The following CALD1 variants were observed in gnomAD, a reference collection of about 807,000 sequenced individuals.
The protein encoded by CALD1 is caldesmon 1.
A neutral mutation model predicts 99.9 loss-of-function variants in CALD1; 33 were observed. The observed-to-expected ratio is 0.33, with a 90% CI of 0.25 to 0.44. The LOEUF (loss-of-function observed/expected upper bound fraction) is 0.44, where lower values mean the gene tolerates loss of function less well. Ranked by LOEUF, CALD1 falls within the 20% of genes least tolerant of loss-of-function variation. CALD1 has a pLI of 1.00. For synonymous variants in CALD1, 310 were observed against 325.0 expected, an observed-to-expected ratio of 0.95 and a Z score of 0.50; for missense variants, 861 against 962.1, an observed-to-expected ratio of 0.89 and a Z score of 1.39.
intron 1 of CALD1, among the ~76,000 whole-genome samples, chr7:134,750,214 A>AC (rs1410850147): frequency 6.6e-6 from 1 of 152,080 alleles, no homozygotes; most frequent in Non-Finnish European, 1.5e-5. Context: ...CTGTTCACCA[A>AC]CAGGAGCAAG....
chr7:134,751,244 A>G (rs1796683296), intron 1 of CALD1, among the ~76,000 whole-genome samples: 1 of 152,240 alleles, frequency 6.6e-6, no homozygotes, highest in Admixed American at 6.5e-5. Context: ...TGTTCCCAAG[A>G]TGAAAAGAGA....
chr7:134,917,969 G>T (rs1336909323), intron 3 of CALD1, among the ~76,000 whole-genome samples: 2 of 152,064 alleles, frequency 1.3e-5, no homozygotes, highest in Non-Finnish European at 2.9e-5. Flanking sequence ...CATATTCTTT[G>T]TAAACATTTA....
chr7:134,870,268 T>A (rs1801005865), intron 3 of CALD1, among the ~76,000 whole-genome samples: 1 of 152,130 alleles, frequency 6.6e-6, no homozygotes, highest in South Asian at 2.1e-4. Context: ...GGCTCAGGAC[T>A]GAGGATGTAG....
At chr7:134,865,168 G>T (rs965671343) in intron 2 of CALD1, among the ~76,000 whole-genome samples, 39 of 151,172 alleles carry the variant, frequency 2.6e-4, no homozygotes, top group Non-Finnish European at 4.1e-4. Flanking sequence ...GGACGTAGAA[G>T]AGAAAAAGAA....
intron 3 of CALD1, among the ~76,000 whole-genome samples, chr7:134,868,564 A>G (rs1022608999): frequency 9.9e-5 from 15 of 152,226 alleles, no homozygotes; most frequent in African/African-American, 3.6e-4. Context: ...TTAAAATCAA[A>G]TCGATTTTTT....
chr7:134,878,036 C>A (rs1242309549), intron 3 of CALD1, among the ~76,000 whole-genome samples: 4 of 152,144 alleles, frequency 2.6e-5, no homozygotes, highest in Non-Finnish European at 5.9e-5. Flanking sequence ...TAGAACATTT[C>A]CAATGCCCCA....
intron 3 of CALD1, among the ~76,000 whole-genome samples, chr7:134,894,393 GTGCTGA>G (rs1563074814): frequency 6.6e-6 from 1 of 152,226 alleles, no homozygotes; most frequent in Non-Finnish European, 1.5e-5. Context: ...ATCCAGAACA[GTGCTGA>G]TGCTCCAGAA....
intron 3 of CALD1, among the ~76,000 whole-genome samples, chr7:134,887,053 C>A (rs754479740): frequency 3.3e-5 from 5 of 152,180 alleles, no homozygotes; most frequent in Non-Finnish European, 7.3e-5. Context: ...ACAACCCAAG[C>A]CCCTATTACA....
At chr7:134,858,749 T>C (rs936158128) in intron 2 of CALD1, among the ~76,000 whole-genome samples, 1 of 151,978 alleles carries the variant, frequency 6.6e-6, no homozygotes, top group African/African-American at 2.4e-5. Flanking sequence ...TTTGTAATTT[T>C]AGTAGAGACA....
At chr7:134,906,540 C>A (rs1803400753) in intron 3 of CALD1, among the ~76,000 whole-genome samples, 1 of 152,248 alleles carries the variant, frequency 6.6e-6, no homozygotes, top group Non-Finnish European at 1.5e-5. Flanking sequence ...AAGTAAGCTT[C>A]ACCATCCTGT....
In CALD1 at chr7:134,919,494, T is replaced by C. The variant is rs895237088; in HGVS notation, c.72-9260T>C. On this transcript the variant is annotated intron_variant, in intron 3 of 14. Coordinates refer to ENST00000361675, the MANE Select transcript of CALD1 (RefSeq NM_033138.4). ...GGATGTCACCATTGTATAAAGCAAATGTTGGGCTGGTGGTGACAACTTGTG... is the reference window on the plus strand; with the variant it reads ...GGATGTCACCATTGTATAAAGCAAACGTTGGGCTGGTGGTGACAACTTGTG... Among the ~76,000 whole-genome samples, 31 of 152,306 alleles carry C rather than the reference T, an allele frequency of 2.0e-4. 1 individual carries two copies. The highest frequency in any genetic ancestry group is 7.2e-4 in the African/African-American group (30 of 41,554).
In CALD1 at chr7:134,836,324, A is replaced by G. The variant is rs552874636; in HGVS notation, c.-129-7560A>G. On this transcript the variant is annotated intron_variant, in intron 1 of 14. Transcript: ENST00000361675. ...ACAGGAACACAGGCAGAAGAGAACCAGAAGACTGCATCCATTGGAAAATTT... is the reference window on the plus strand; with the variant it reads ...ACAGGAACACAGGCAGAAGAGAACCGGAAGACTGCATCCATTGGAAAATTT... 5.7e-4 allele frequency among the ~76,000 whole-genome samples: 87 copies of G among 152,290 alleles called. No homozygotes were observed. In the South Asian group the frequency reaches 7.5e-3, roughly 13 times the overall value.
chr7:134,843,763 T>C (rs890024990), intron 1 of CALD1, 121 bp from the exon 2 acceptor site: 1 of 152,168 alleles, frequency 6.6e-6, no homozygotes, highest in Non-Finnish European at 1.5e-5. Context: ...CTGCCTTACT[T>C]CTCCCTTTAG....
At chr7:134,802,117 T>C (rs1313135925) in intron 1 of CALD1, among the ~76,000 whole-genome samples, 1 of 152,128 alleles carries the variant, frequency 6.6e-6, no homozygotes, top group African/African-American at 2.4e-5. Context: ...GTAGTATATA[T>C]ATATATATGT....
chr7:134,933,190 A>C lies in CALD1; in HGVS notation c.421A>C (p.Thr141Pro). ...SLPSRRMQND[T>P]AENETTEKEE... ...CCCAAGCAGAAGAATGCAAAATGAC[A>C]CAGCAGAAAATGAAACTACCGAGAA... The change falls in exon 5 of 15, where the codon ACA (threonine) becomes CCA (proline). Residue 141 changes from threonine (T) to proline (P), a missense_variant. Coordinates refer to ENST00000361675, the MANE Select transcript of CALD1 (RefSeq NM_033138.4). The C allele has an allele frequency of 6.2e-7, 1 of 1,612,922 alleles. No individual in the cohort carries two copies. Among genetic ancestry groups the C allele is most frequent in the East Asian group, 2.2e-5 (1 of 44,862 alleles).
intron 1 of CALD1, among the ~76,000 whole-genome samples, chr7:134,766,057 C>A: frequency 6.6e-6 from 1 of 151,364 alleles, no homozygotes; most frequent in East Asian, 1.9e-4. Context: ...ATTCCTGAGG[C>A]TTCACCAGAA....
At chr7:134,807,751 C>T (rs1449554381) in intron 1 of CALD1, among the ~76,000 whole-genome samples, 5 of 152,168 alleles carry the variant, frequency 3.3e-5, no homozygotes, top group African/African-American at 1.2e-4. Flanking sequence ...CCTCAGCCTC[C>T]TGAGTAGCTG....
At chr7:134,713,655 G>C in the CALD1 span, among the ~76,000 whole-genome samples, 1 of 151,844 alleles carries the variant, frequency 6.6e-6, no homozygotes, top group Non-Finnish European at 1.5e-5. Context: ...TATAATAAAG[G>C]CTTGATATCC....
intron 5 of CALD1, among the ~76,000 whole-genome samples, chr7:134,934,583 T>C (rs1218243465): frequency 2.0e-5 from 3 of 152,094 alleles, no homozygotes; most frequent in African/African-American, 4.8e-5. Flanking sequence ...AGACATTTCA[T>C]CTTAAGAAGG....
Sources: allele counts gnomAD v4.1 joint callset (sites outside exome capture counted in the v4.1 genomes callset), GRCh38; gene constraint gnomAD v4.1.1; transcripts MANE v1.5; gene names NCBI Gene and HGNC (gene_info 2026-07-23, HGNC 2026-07-21).